OSBPL10: variants seen among roughly 807,000 people sequenced by gnomAD.
OSBPL10 encodes the protein oxysterol-binding protein-related protein 10.
Under a neutral mutation model 81.7 loss-of-function variants are expected in OSBPL10, and 49 were observed. The observed-to-expected ratio is 0.60, with a 90% CI of 0.48 to 0.76. The LOEUF is 0.76. Among genes scored for constraint, OSBPL10 ranks in the 30% least tolerant of loss-of-function variants. The probability of loss-of-function intolerance (pLI) is 0.00; values close to 1 mark genes in which losing one functional copy is unlikely to be tolerated. For missense variants in OSBPL10, 923 were observed against 987.8 expected, an observed-to-expected ratio of 0.93 and a Z score of 0.88; for synonymous variants, 419 against 383.6, an observed-to-expected ratio of 1.09 and a Z score of -1.08.
chr3:31,745,647 GGTTCTGCCCTC>G (rs1400563641), intron 5 of OSBPL10, among the ~76,000 whole-genome samples: 5 of 152,150 alleles, frequency 3.3e-5, no homozygotes, highest in African/African-American at 1.2e-4. Flanking sequence ...GAAAGAGCCT[GGTTCTGCCCTC>G]GTTCTGCCAC....
intron 1 of OSBPL10, among the ~76,000 whole-genome samples, chr3:31,951,457 A>G (rs1429772815): frequency 6.6e-6 from 1 of 152,030 alleles, no homozygotes; most frequent in Non-Finnish European, 1.5e-5. Context: ...GTGGTTACCT[A>G]AAAGAGGGGA....
At chr3:32,014,575 A>T (rs1258521733) in intron 2 of OSBPL10, among the ~76,000 whole-genome samples, 2 of 152,164 alleles carry the variant, frequency 1.3e-5, no homozygotes. Context: ...TATTCAACAT[A>T]GTGTTGGAAG....
chr3:31,834,112 T>C (rs1227909799), intron 3 of OSBPL10, among the ~76,000 whole-genome samples: 1 of 152,154 alleles, frequency 6.6e-6, no homozygotes, highest in Non-Finnish European at 1.5e-5. Flanking sequence ...GGCAGCAAAT[T>C]GCAAGCACTA....
intron 1 of OSBPL10, among the ~76,000 whole-genome samples, chr3:31,885,443 A>T (rs1164120311): frequency 6.6e-6 from 1 of 152,070 alleles, no homozygotes; most frequent in Non-Finnish European, 1.5e-5. Flanking sequence ...GTTCACACCC[A>T]CACACTGCAC....
chr3:32,026,069 A>AGAT lies in OSBPL10; in HGVS notation n.298+20419_298+20421dup, dbSNP rs1365408467. Among the ~76,000 whole-genome samples the AGAT allele has an allele frequency of 4.2e-3, 424 of 101,322 alleles. 2 individuals carry two copies. Among genetic ancestry groups the AGAT allele is most frequent in the Non-Finnish European group, 6.4e-3 (278 of 43,724 alleles). The allele number at this position is 101,322 out of a possible 152,430, so 66.5% of individuals were successfully genotyped here. The stretch of plus-strand genomic sequence containing the variant: ...ATAGATAGATAGATGATAGATAGAT[A>AGAT]GATAGATAGATAGATAGATAGATGA... On this transcript the variant is annotated intron_variant and non_coding_transcript_variant, in intron 2 of 3. Coordinates refer to the OSBPL10 transcript ENST00000479173.
chr3:31,783,140 T>C lies in OSBPL10; in HGVS notation c.730-35020A>G, dbSNP rs987655758. Among the ~76,000 whole-genome samples, 127 of 89,372 alleles carry C rather than the reference T, an allele frequency of 1.4e-3. 1 individual carries two copies. The highest frequency in any genetic ancestry group is 5.2e-3 in the African/African-American group (123 of 23,434). The allele number at this position is 89,372 out of a possible 152,430, so 58.6% of individuals were successfully genotyped here. ...ATATATATATATATATATATATATA[T>C]ATATATACACACACACCATAGAATA... On this transcript the variant is annotated intron_variant, in intron 4 of 11. Coordinates refer to ENST00000396556, the MANE Select transcript of OSBPL10 (RefSeq NM_017784.5).
chr3:31,684,543 C>T (rs1700742252), intron 7 of OSBPL10, among the ~76,000 whole-genome samples: 1 of 152,174 alleles, frequency 6.6e-6, no homozygotes. Context: ...TGTGTTCTCA[C>T]AAACATGGAT....
intron 2 of OSBPL10, among the ~76,000 whole-genome samples, chr3:31,987,732 A>G (rs1405236459): frequency 6.6e-6 from 1 of 152,222 alleles, no homozygotes; most frequent in Admixed American, 6.5e-5. Flanking sequence ...TAGTCTGGGA[A>G]CTGGTATAAT....
chr3:31,826,589 T>C (rs777108870), intron 4 of OSBPL10, among the ~76,000 whole-genome samples: 3 of 152,256 alleles, frequency 2.0e-5, no homozygotes, highest in Admixed American at 6.5e-5. Flanking sequence ...CTGTCTTGTG[T>C]ATGATGATTT....
At chr3:31,753,503 C>T (rs899187421) in intron 4 of OSBPL10, among the ~76,000 whole-genome samples, 3 of 152,010 alleles carry the variant, frequency 2.0e-5, no homozygotes, top group Non-Finnish European at 2.9e-5. Flanking sequence ...GATCATTAAA[C>T]CAAAACCACA....
intron 4 of OSBPL10, among the ~76,000 whole-genome samples, chr3:31,752,125 G>C (rs1296405649): frequency 6.6e-6 from 1 of 152,114 alleles, no homozygotes; most frequent in Non-Finnish European, 1.5e-5. Context: ...CCTTCAAGGT[G>C]CCTACCAGCT....
Position 31,871,276 on chromosome 3 carries a change from C to G in OSBPL10, c.537+5157G>C, listed in dbSNP as rs562486165. Among the ~76,000 whole-genome samples the G allele has an allele frequency of 2.0e-5, 3 of 152,234 alleles. No individual in the cohort carries two copies. In the East Asian group the frequency reaches 5.8e-4, roughly 29 times the overall value. Reference sequence around the variant, plus strand: ...TGAAGCCAGCGAGACCATGAGCCCACCGGGAGGAAGGAACAACTCCAGATG... The same window carrying G: ...TGAAGCCAGCGAGACCATGAGCCCAGCGGGAGGAAGGAACAACTCCAGATG... On this transcript the variant is annotated intron_variant, in intron 3 of 11. Transcript: ENST00000396556.
intron 8 of OSBPL10, among the ~76,000 whole-genome samples, chr3:31,682,350 A>G (rs1575472443): frequency 6.6e-6 from 1 of 152,154 alleles, no homozygotes; most frequent in South Asian, 2.1e-4. Flanking sequence ...GTCCCTAGCA[A>G]TAGCCCATGA....
At chr3:31,984,568 T>C (rs1698907384), upstream of OSBPL10, among the ~76,000 whole-genome samples, 1 of 152,042 alleles carries the variant, frequency 6.6e-6, no homozygotes, top group Non-Finnish European at 1.5e-5. Context: ...CAAACACAAA[T>C]CTTAAGTTTT....
In OSBPL10 at chr3:31,670,789, G is replaced by GCTC; in HGVS notation, c.1913+5_1913+7dup. On this transcript the variant is annotated splice_region_variant and intron_variant, in intron 9 of 11. Transcript: ENST00000396556. ...GACAAAGCCAGAGTCTCTCCGGCCAGCTCCTACCTGTGGACTTTCCCTCCA... is the reference window on the plus strand; with the variant it reads ...GACAAAGCCAGAGTCTCTCCGGCCAGCTCCTCCTACCTGTGGACTTTCCCTCCA... 1 of 1,612,120 alleles carries GCTC rather than the reference G, an allele frequency of 6.2e-7. No individual in the cohort carries two copies. Among genetic ancestry groups the GCTC allele is most frequent in the Non-Finnish European group, 8.5e-7 (1 of 1,178,792 alleles).
At chr3:31,870,883 C>T (rs1238291213) in intron 3 of OSBPL10, among the ~76,000 whole-genome samples, 4 of 152,132 alleles carry the variant, frequency 2.6e-5, no homozygotes, top group Non-Finnish European at 4.4e-5. Context: ...GTACACCAAT[C>T]GACACTCTGT....
chr3:31,999,009 GA>G (rs1313837533), intron 2 of OSBPL10, among the ~76,000 whole-genome samples: 1 of 152,112 alleles, frequency 6.6e-6, no homozygotes, highest in Non-Finnish European at 1.5e-5. Flanking sequence ...GTGTAAAAGA[GA>G]AAAAAGGAGG....
chr3:31,664,884 G>A (rs1025510224), intron 10 of OSBPL10, among the ~76,000 whole-genome samples: 3 of 152,020 alleles, frequency 2.0e-5, no homozygotes, highest in African/African-American at 4.8e-5. Context: ...ATTGTAGAAC[G>A]CAGCCTAAAG....
At position 31,761,176 on chromosome 3, in the gene OSBPL10, AAAGTT is replaced by A. The variant is rs201608499; in HGVS notation, c.730-13061_730-13057del. On this transcript the variant is annotated intron_variant, in intron 4 of 11. Coordinates refer to ENST00000396556, the MANE Select transcript of OSBPL10 (RefSeq NM_017784.5). ...GTCCCTGCATAATGCAGGGTAAAGA[AAAGTT>A]AAGAAGTTTCCGCCAGGCGCGGTGG... Among the ~76,000 whole-genome samples, 1,394 of 152,316 alleles carry A rather than the reference AAAGTT, an allele frequency of 9.2e-3. 16 individuals carry two copies. Among genetic ancestry groups the A allele is most frequent in the African/African-American group, 0.022 (895 of 41,576 alleles).
Sources: gnomAD v4.1 joint callset for allele counts (sites outside exome capture counted in the v4.1 genomes callset) on GRCh38, gnomAD v4.1.1 for gene constraint, MANE v1.5 for transcripts, NCBI Gene and HGNC (gene_info 2026-07-23, HGNC 2026-07-21) for gene names.